Variants in CDK18 observed in about 807,000 individuals in gnomAD.
The protein encoded by CDK18 is cyclin dependent kinase 18.
A neutral mutation model predicts 62.0 loss-of-function variants in CDK18; 52 were observed. The observed-to-expected ratio is 0.84, with a 90% CI of 0.67 to 1.06. The LOEUF is 1.06. Ranked by LOEUF, CDK18 falls within the 50% of genes least tolerant of loss-of-function variation. CDK18 has a pLI of 0.00. For synonymous variants in CDK18, 237 were observed against 247.0 expected, an observed-to-expected ratio of 0.96 and a Z score of 0.38; for missense variants, 604 against 619.9, an observed-to-expected ratio of 0.97 and a Z score of 0.27.
chr1:205,506,093 A>C (rs1178296799), intron 1 of CDK18, among the ~76,000 whole-genome samples: 1 of 152,168 alleles, frequency 6.6e-6, no homozygotes, highest in Non-Finnish European at 1.5e-5. Context: ...CGCCTGGTGG[A>C]CTGGCACGTC....
At chr1:205,530,463 C>T (rs1024085030) in intron 14 of CDK18, 114 bp downstream of exon 14, 3 of 1,252,364 alleles carry the variant, frequency 2.4e-6, no homozygotes, top group African/African-American at 3.0e-5. Context: ...AGCAGAGCAG[C>T]CCCGGGCACC....
chr1:205,509,530 A>G (rs1381778949), intron 1 of CDK18, among the ~76,000 whole-genome samples: 1 of 152,166 alleles, frequency 6.6e-6, no homozygotes, highest in East Asian at 1.9e-4. Context: ...TTGCTCACCC[A>G]GGTTTCAGTT....
rs538869646 is a variant in CDK18 at position 205,530,242 on chromosome 1, C to A, written c.1222-17C>A. 2.0e-5 allele frequency: 32 copies of A among 1,610,720 alleles called. No homozygotes were observed. Among genetic ancestry groups the A allele is most frequent in the Non-Finnish European group, 2.5e-5 (30 of 1,180,024 alleles). On this transcript the variant is annotated splice_polypyrimidine_tract_variant and intron_variant, in intron 13 of 15. Coordinates refer to ENST00000429964, the MANE Select transcript of CDK18 (RefSeq NM_212502.3). ...GCCCCCCAGCCGGGCCCAATAGCCC[C>A]ACCCTGTGCCTTTCAGTATGAATCC... is the stretch of plus-strand genomic sequence containing the variant.
chr1:205,520,557 G>A (rs1478950670), intron 1 of CDK18, among the ~76,000 whole-genome samples: 1 of 151,948 alleles, frequency 6.6e-6, no homozygotes, highest in Non-Finnish European at 1.5e-5. Context: ...AAAATTAGCC[G>A]GGTGTGGTGG....
At chr1:205,505,715 T>C (rs1019701794) in intron 1 of CDK18, among the ~76,000 whole-genome samples, 9 of 151,668 alleles carry the variant, frequency 5.9e-5, no homozygotes, top group Non-Finnish European at 8.8e-5. Flanking sequence ...TGGGTGGGAG[T>C]TGGGCTGCAG....
intron 1 of CDK18, among the ~76,000 whole-genome samples, chr1:205,505,821 G>A (rs914033336): frequency 3.0e-4 from 46 of 152,266 alleles, no homozygotes; most frequent in Middle Eastern, 6.8e-3. Context: ...CGGCAGTCGG[G>A]GTGGGAGGAT....
chr1:205,512,989 G>A (rs1402371683), intron 1 of CDK18, among the ~76,000 whole-genome samples: 1 of 152,198 alleles, frequency 6.6e-6, no homozygotes, highest in East Asian at 1.9e-4. Context: ...AGCTGGACAC[G>A]GGATATCTGG....
At chr1:205,521,745 G>A (rs1459324081) in intron 1 of CDK18, among the ~76,000 whole-genome samples, 1 of 152,262 alleles carries the variant, frequency 6.6e-6, no homozygotes, top group Non-Finnish European at 1.5e-5. Context: ...ACCCTTTCCA[G>A]GCTGGCTGAG....
rs1311862863 is a variant in CDK18, at chr1:205,532,604, C to A, written c.*1226C>A. 6.6e-6 allele frequency: 1 copy of A among 152,266 alleles called. No individual in the cohort carries two copies. Among genetic ancestry groups the A allele is most frequent in the Non-Finnish European group, 1.5e-5 (1 of 68,124 alleles). The allele number at this position is 152,266 out of a possible 1,614,324, so 9.4% of individuals were successfully genotyped here. A position where few individuals can be genotyped will look rare whatever the true frequency, so the allele number is the denominator to read the frequency against. On this transcript the variant is annotated 3_prime_UTR_variant, in exon 16 of 16. Coordinates refer to ENST00000429964, the MANE Select transcript of CDK18 (RefSeq NM_212502.3). ...CTGAAGAAGGCTCCCCTCTGTATCCCCCAGGTCTCCTCAACACTGGGCTGA... is the reference window on the plus strand; with the variant it reads ...CTGAAGAAGGCTCCCCTCTGTATCCACCAGGTCTCCTCAACACTGGGCTGA...
rs1433562194 is a variant in CDK18 at position 205,530,637 on chromosome 1, T to G, written c.1322T>G (p.Ile441Ser). 6.2e-7 allele frequency: 1 copy of G among 1,613,970 alleles called. No individual in the cohort carries two copies. Among genetic ancestry groups the G allele is most frequent in the South Asian group, 1.1e-5 (1 of 91,086 alleles). Residue 441 changes from isoleucine to serine, a missense_variant, in exon 15 of 16, where the codon ATC becomes AGC. Coordinates refer to ENST00000429964, the MANE Select transcript of CDK18 (RefSeq NM_212502.3). ...CACTTCTCTCCCCCAGCTGCCTCCA[T>G]CTTCTCCCTGAAGGAGATCCAGCTC... ...RVHQLEDTAS[I>S]FSLKEIQLQK...
rs758876432 is a variant in CDK18 at position 205,527,855 on chromosome 1, G to A, written c.791G>A (p.Arg264Gln). The change falls in exon 9 of 16, where the codon CGG becomes CAG. Residue 264 changes from arginine (R) to glutamine (Q), a missense_variant. Transcript: ENST00000429964. The surrounding 1 kb of genome is among the most constrained non-coding windows in gnomAD (Gnocchi z 4.1). The part of the protein sequence containing the change: ...AYCHHRKILH[R>Q]DLKPQNLLIN... ...TGTCACCACCGCAAGATCCTGCACC[G>A]GGACCTGAAGCCCCAGAACCTGCTC... 13 of 1,613,968 alleles carry A rather than the reference G, an allele frequency of 8.1e-6. No homozygotes were observed. The highest frequency in any genetic ancestry group is 1.6e-4 in the Middle Eastern group (1 of 6,084).
chr1:205,530,022 C>A, intron 13 of CDK18: 2 of 1,412,292 alleles, frequency 1.4e-6, no homozygotes, highest in South Asian at 3.0e-5. Context: ...GAGAAGGTCA[C>A]TCTCCTGAAG....
At chr1:205,521,499 C>A (rs897972012) in intron 1 of CDK18, among the ~76,000 whole-genome samples, 15 of 152,252 alleles carry the variant, frequency 9.9e-5, no homozygotes, top group Non-Finnish European at 1.9e-4. Context: ...CAGGCATGAG[C>A]CACCATGCCC....
chr1:205,523,531 C>G lies in CDK18; in HGVS notation c.179C>G (p.Thr60Ser). Residue 60 changes from threonine to serine, a missense_variant, in exon 3 of 16, where the codon ACC becomes AGC. By Grantham distance (58) the Thr-to-Ser change is moderately conservative. Coordinates refer to ENST00000429964, the MANE Select transcript of CDK18 (RefSeq NM_212502.3). ...AGAGACCCCCCGCAGGAGTGCAGCA[C>G]CTTCTCCCCAACAGACAGCGGGGAG... ...LGRDPPQECS[T>S]FSPTDSGEEP... The G allele has an allele frequency of 6.2e-7, 1 of 1,607,036 alleles. No individual in the cohort carries two copies. Among genetic ancestry groups the G allele is most frequent in the Non-Finnish European group, 8.5e-7 (1 of 1,177,238 alleles).
Position 205,531,342 on chromosome 1 carries a change from A to C in CDK18, c.1391-2A>C. 3 of 1,614,054 alleles carry C rather than the reference A, an allele frequency of 1.9e-6. No homozygotes were observed. Reference sequence around the variant, plus strand: ...CAGCCCCACCTCTTCTCCATTCTCCAGGACGAGGGAAGAACAGGCGGCAGA... The same window carrying C: ...CAGCCCCACCTCTTCTCCATTCTCCCGGACGAGGGAAGAACAGGCGGCAGA... On this transcript the variant is annotated splice_acceptor_variant, in intron 15 of 15. Transcript: ENST00000429964. LOFTEE classifies it high-confidence loss of function.
intron 1 of CDK18, among the ~76,000 whole-genome samples, chr1:205,505,780 C>T (rs1359131066): frequency 6.6e-6 from 1 of 152,122 alleles, no homozygotes; most frequent in Non-Finnish European, 1.5e-5. Flanking sequence ...GGCACCAGCC[C>T]TGCCTCTCTT....
chr1:205,518,496 A>G (rs1459207150), intron 1 of CDK18, among the ~76,000 whole-genome samples: 2 of 152,336 alleles, frequency 1.3e-5, no homozygotes, highest in East Asian at 3.9e-4. Context: ...AGTTCAGAGT[A>G]GGAGAAAACA....
intron 4 of CDK18, among the ~76,000 whole-genome samples, chr1:205,524,779 C>A (rs749957745): frequency 6.6e-6 from 1 of 152,156 alleles, no homozygotes; most frequent in Non-Finnish European, 1.5e-5. Flanking sequence ...GCTAGAAGTG[C>A]GCTGATGAGA....
rs55781357 is a variant in CDK18, at chr1:205,517,870, G to A, written c.-21-5277G>A. Among the ~76,000 whole-genome samples the A allele has an allele frequency of 2.1e-3, 325 of 152,170 alleles. 1 individual carries two copies. Among genetic ancestry groups the A allele is most frequent in the Non-Finnish European group, 3.6e-3 (246 of 67,994 alleles). ...CCTTGTCTGTTCTCAACACAGCAGCGTGTTAAAGCCTCAGTGTGATCATGT... is the reference window on the plus strand; with the variant it reads ...CCTTGTCTGTTCTCAACACAGCAGCATGTTAAAGCCTCAGTGTGATCATGT... On this transcript the variant is annotated intron_variant, in intron 1 of 15. Transcript: ENST00000429964. This position sits in a 1 kb window ranked among gnomAD's most constrained non-coding sequence, Gnocchi z 4.1.
Sources: gnomAD v4.1 joint callset for allele counts (sites outside exome capture counted in the v4.1 genomes callset) on GRCh38, gnomAD v4.1.1 for gene constraint, Gnocchi (gnomAD v3.1) non-coding constraint, MANE v1.5 for transcripts, NCBI Gene and HGNC (gene_info 2026-07-23, HGNC 2026-07-21) for gene names.